ASH1L: variants seen among roughly 807,000 people sequenced by gnomAD.
ASH1L encodes ASH1 like histone lysine methyltransferase.
ASH1L carries 23 observed loss-of-function variants against 269.0 expected under a neutral mutation model. The observed-to-expected ratio is 0.09, with a 90% CI of 0.06 to 0.12. ASH1L has a LOEUF of 0.12. Ranked by LOEUF, ASH1L falls within the 10% of genes least tolerant of loss-of-function variation. ASH1L has a pLI of 1.00. For missense variants in ASH1L, 2,912 were observed against 3,567.8 expected (o/e 0.82, Z 4.68); for synonymous variants, 1,187 against 1,253.5 (o/e 0.95, Z 1.12).
chr1:155,342,652 G>A (rs1440099221), intron 24 of ASH1L, among the ~76,000 whole-genome samples: 1 of 152,108 alleles, frequency 6.6e-6, no homozygotes, highest in Non-Finnish European at 1.5e-5. Context: ...CCATAAACTA[G>A]GCTGAGTGCT....
chr1:155,398,943 G>C (rs763792653), intron 6 of ASH1L, among the ~76,000 whole-genome samples: 6 of 152,064 alleles, frequency 3.9e-5, no homozygotes, highest in Non-Finnish European at 8.8e-5. Flanking sequence ...ATGTTGCCCA[G>C]GCTGGTCTTC....
chr1:155,508,353 A>C (rs1421375536), intron 2 of ASH1L, among the ~76,000 whole-genome samples: 2 of 152,212 alleles, frequency 1.3e-5, no homozygotes, highest in African/African-American at 4.8e-5. Flanking sequence ...TAAAATTAAT[A>C]ATGAGTCCAA....
rs12128553 is a variant in ASH1L at position 155,367,814 on chromosome 1, T to C, written c.6686+2690A>G. On this transcript the variant is annotated intron_variant, in intron 12 of 27. Coordinates refer to ENST00000392403, the MANE Select transcript of ASH1L (RefSeq NM_018489.3). ...TTTTATTCCTGGAATAAACCCCACA[T>C]AGTCATGATGTATTAAGCTTTTTAT... Among the ~76,000 whole-genome samples the C allele has an allele frequency of 5.8e-4, 88 of 152,334 alleles. 1 individual carries two copies. Among genetic ancestry groups the C allele is most frequent in the African/African-American group, 2.0e-3 (84 of 41,588 alleles).
At chr1:155,558,577 G>A (rs1032433053) in intron 1 of ASH1L, among the ~76,000 whole-genome samples, 8 of 152,052 alleles carry the variant, frequency 5.3e-5, no homozygotes, top group Non-Finnish European at 1.0e-4. Context: ...AGTGTTTCAC[G>A]CTATTGCCCA....
At chr1:155,434,624 G>A (rs1477440890) in intron 5 of ASH1L, among the ~76,000 whole-genome samples, 6 of 152,024 alleles carry the variant, frequency 3.9e-5, no homozygotes, top group Admixed American at 6.6e-5. Context: ...AGGCCGAGGC[G>A]GGAGGATCAT....
chr1:155,546,310 A>G (rs569248450), intron 1 of ASH1L, among the ~76,000 whole-genome samples: 1 of 152,102 alleles, frequency 6.6e-6, no homozygotes, highest in African/African-American at 2.4e-5. Flanking sequence ...TAGCCTGGGC[A>G]ACAAAGCGAG....
chr1:155,502,622 G>A (rs1377636391), intron 2 of ASH1L, among the ~76,000 whole-genome samples: 1 of 152,140 alleles, frequency 6.6e-6, no homozygotes, highest in African/African-American at 2.4e-5. Context: ...ATTATACAAT[G>A]TGCTATATGT....
At chr1:155,442,936 C>A (rs1338335412) in intron 4 of ASH1L, among the ~76,000 whole-genome samples, 1 of 152,068 alleles carries the variant, frequency 6.6e-6, no homozygotes, top group Non-Finnish European at 1.5e-5. Context: ...CAGGAAGCAC[C>A]CTCTTCATTC....
At chr1:155,431,962 C>A (rs1346142826) in intron 5 of ASH1L, among the ~76,000 whole-genome samples, 1 of 152,126 alleles carries the variant, frequency 6.6e-6, no homozygotes. Context: ...TAAAAATATA[C>A]CTTTTTCTTT....
intron 5 of ASH1L, among the ~76,000 whole-genome samples, chr1:155,436,560 A>C (rs1270322244): frequency 2.3e-5 from 3 of 132,980 alleles, no homozygotes; most frequent in Non-Finnish European, 4.6e-5. Flanking sequence ...GCAGTGGCGC[A>C]ATCTCGGCTC....
chr1:155,530,734 T>C (rs976074493), intron 1 of ASH1L, among the ~76,000 whole-genome samples: 4 of 147,762 alleles, frequency 2.7e-5, no homozygotes, highest in African/African-American at 1.0e-4. Context: ...AGACTCTGTC[T>C]CGGGAAGGAA....
chr1:155,454,499 G>A (rs536839997), intron 4 of ASH1L, among the ~76,000 whole-genome samples: 4 of 152,278 alleles, frequency 2.6e-5, no homozygotes, highest in African/African-American at 9.6e-5. Flanking sequence ...CAGGAGTGGT[G>A]GCTCAGGCCT....
intron 2 of ASH1L, among the ~76,000 whole-genome samples, chr1:155,517,642 AAAACAAACAAAC>A (rs143180872): frequency 2.2e-4 from 33 of 150,362 alleles, no homozygotes; most frequent in East Asian, 9.8e-4. Context: ...GACTCCATCT[AAAACAAACAAAC>A]AAACAAACAA....
intron 5 of ASH1L, among the ~76,000 whole-genome samples, chr1:155,426,476 C>T (rs1661165249): frequency 6.6e-6 from 1 of 152,152 alleles, no homozygotes. Context: ...GCTGGGATTA[C>T]AGGCGTGAGA....
At chr1:155,534,045 A>T (rs1293852417) in intron 1 of ASH1L, among the ~76,000 whole-genome samples, 1 of 151,250 alleles carries the variant, frequency 6.6e-6, no homozygotes, top group East Asian at 1.9e-4. Context: ...AAATTTTTTT[A>T]TTATTATTTT....
intron 21 of ASH1L, 111 bp from the exon 22 acceptor site, chr1:155,344,384 A>G: frequency 1.3e-6 from 1 of 766,696 alleles, no homozygotes; most frequent in Non-Finnish European, 2.1e-6. Flanking sequence ...ATTTCAATAT[A>G]CCACAGATAT....
chr1:155,366,516 C>T (rs985547577), intron 12 of ASH1L, among the ~76,000 whole-genome samples: 10 of 152,142 alleles, frequency 6.6e-5, no homozygotes, highest in Admixed American at 6.5e-4. Flanking sequence ...ACTGCCAACA[C>T]TCAACCCTTG....
intron 1 of ASH1L, 35 bp downstream of exon 1, chr1:155,562,118 T>C: frequency 2.2e-6 from 3 of 1,364,580 alleles, no homozygotes; most frequent in Non-Finnish European, 3.1e-6. Flanking sequence ...AGAGAGTGCT[T>C]AGGCCCGAAT....
At position 155,344,089 on chromosome 1, in the gene ASH1L, G is replaced by A. The variant is rs1248461951; in HGVS notation, c.7981+94C>T. The A allele has an allele frequency of 5.4e-5, 60 of 1,107,206 alleles. No homozygotes were observed. The East Asian group carries it at 6.7e-4, about 12-fold the overall frequency. The allele number at this position is 1,107,206 out of a possible 1,614,324, so 68.6% of individuals were successfully genotyped here. ...TTATATTCTATTGCTATTCGAGGCC[G>A]TATGGAGACAATGACTATGATGGAG... On this transcript the variant is annotated intron_variant, in intron 22 of 27. Transcript: ENST00000392403.
Sources: allele counts gnomAD v4.1 joint callset (sites outside exome capture counted in the v4.1 genomes callset), GRCh38; gene constraint gnomAD v4.1.1; transcripts MANE v1.5; gene names NCBI Gene and HGNC (gene_info 2026-07-23, HGNC 2026-07-21).